WASF3: variants seen among roughly 807,000 people sequenced by gnomAD.
WASF3 encodes actin-binding protein WASF3.
WASF3 carries 11 observed loss-of-function variants against 46.6 expected under a neutral mutation model. That is an observed-to-expected ratio of 0.24 (90% CI 0.15 to 0.39). The LOEUF is 0.39. WASF3 is among the 10% of genes least tolerant of loss of function. WASF3 has a pLI of 1.00. For missense variants in WASF3, 576 were observed against 669.8 expected, an observed-to-expected ratio of 0.86 and a Z score of 1.55; for synonymous variants, 242 against 259.7, an observed-to-expected ratio of 0.93 and a Z score of 0.65.
intron 2 of WASF3, chr13:26,641,313 A>T (rs1881990653): frequency 1.3e-5 from 2 of 152,104 alleles, no homozygotes; most frequent in East Asian, 3.9e-4. Context: ...GTAGGGAGGG[A>T]GAAGGTTCTG....
chr13:26,624,697 A>C (rs1182316051), intron 2 of WASF3, among the ~76,000 whole-genome samples: 1 of 152,128 alleles, frequency 6.6e-6, no homozygotes, highest in African/African-American at 2.4e-5. Flanking sequence ...TTGCTGAAAT[A>C]CCCAAGGTAA....
chr13:26,674,810 A>G (rs1028428527), intron 6 of WASF3, among the ~76,000 whole-genome samples: 1 of 152,226 alleles, frequency 6.6e-6, no homozygotes, highest in Non-Finnish European at 1.5e-5. Context: ...TGAATTTTAA[A>G]TTTTGAAAGA....
chr13:26,668,588 G>C (rs1882839790), intron 5 of WASF3, among the ~76,000 whole-genome samples: 1 of 152,224 alleles, frequency 6.6e-6, no homozygotes, highest in African/African-American at 2.4e-5. Context: ...CCCATCTCAG[G>C]GAGTGCATAG....
chr13:26,545,706 A>T, the WASF3 span, among the ~76,000 whole-genome samples: 1 of 152,192 alleles, frequency 6.6e-6, no homozygotes, highest in African/African-American at 2.4e-5. Context: ...CCTGGGCTCA[A>T]GTATCCCCTT....
At chr13:26,564,304 G>T (rs186772814) in intron 1 of WASF3, among the ~76,000 whole-genome samples, 2 of 152,186 alleles carry the variant, frequency 1.3e-5, no homozygotes, top group Admixed American at 6.5e-5. Context: ...GCATATGTGT[G>T]TTCCAGCTTG....
chr13:26,607,707 C>T (rs1209132098), intron 1 of WASF3, among the ~76,000 whole-genome samples: 1 of 152,018 alleles, frequency 6.6e-6, no homozygotes, highest in African/African-American at 2.4e-5. Context: ...TCTCAGCTCA[C>T]TCACTGCAGT....
At chr13:26,636,590 G>C (rs1035750741) in intron 2 of WASF3, among the ~76,000 whole-genome samples, 2 of 152,220 alleles carry the variant, frequency 1.3e-5, no homozygotes, top group African/African-American at 4.8e-5. Flanking sequence ...CATCTTCTGC[G>C]TCGATCATGC....
upstream of WASF3, among the ~76,000 whole-genome samples, chr13:26,554,216 T>C (rs895404535): frequency 2.6e-5 from 4 of 151,478 alleles, no homozygotes; most frequent in Admixed American, 6.6e-5. Flanking sequence ...AGCCTCCAAC[T>C]CCTAGGCTGA....
intron 1 of WASF3, among the ~76,000 whole-genome samples, chr13:26,574,874 T>C (rs1167146327): frequency 6.6e-6 from 1 of 151,544 alleles, no homozygotes; most frequent in Non-Finnish European, 1.5e-5. Context: ...TCTCGCTGTG[T>C]CACCCAGGCT....
chr13:26,642,315 G>C lies in WASF3; in HGVS notation c.45G>C (p.Arg15=), dbSNP rs553738534. The stretch of plus-strand genomic sequence containing the variant: ...ACATTGAGCCCCGGCACTTGTGCCG[G>C]GGAGCTCTGCCTGAAGGGATTACCA... ...KRNIEPRHLC[R]GALPEGITSE... Residue 15 remains arginine, a synonymous_variant, in exon 3 of 10, where the codon CGG becomes CGC. Coordinates refer to ENST00000335327, the MANE Select transcript of WASF3 (RefSeq NM_006646.6). 7.5e-6 allele frequency: 12 copies of C among 1,607,358 alleles called. No homozygotes were observed. The highest frequency in any genetic ancestry group is 1.7e-5 in the Admixed American group (1 of 58,376).
At chr13:26,590,148 T>C (rs1249714738) in intron 1 of WASF3, among the ~76,000 whole-genome samples, 1 of 152,224 alleles carries the variant, frequency 6.6e-6, no homozygotes, top group Non-Finnish European at 1.5e-5. Flanking sequence ...ATGTTCTTGG[T>C]TTGAAGCCTG....
At chr13:26,617,838 C>T (rs1030257968) in intron 2 of WASF3, among the ~76,000 whole-genome samples, 2 of 152,042 alleles carry the variant, frequency 1.3e-5, no homozygotes, top group African/African-American at 4.8e-5. Flanking sequence ...GGGGCAGTCT[C>T]CCCCATGATG....
At chr13:26,632,597 C>T (rs1055728089) in intron 2 of WASF3, among the ~76,000 whole-genome samples, 1 of 152,204 alleles carries the variant, frequency 6.6e-6, no homozygotes, top group Non-Finnish European at 1.5e-5. Flanking sequence ...AGGATTTTCA[C>T]ATTGAAGTTC....
chr13:26,656,400 A>G (rs1882466340), intron 3 of WASF3, among the ~76,000 whole-genome samples: 1 of 152,226 alleles, frequency 6.6e-6, no homozygotes. Flanking sequence ...GAAACTCTCC[A>G]GAATTTAGAA....
intron 3 of WASF3, among the ~76,000 whole-genome samples, chr13:26,656,971 A>G (rs995172793): frequency 3.3e-5 from 5 of 152,230 alleles, no homozygotes; most frequent in African/African-American, 7.2e-5. Flanking sequence ...CCTTATGACT[A>G]TGACAACTGT....
At chr13:26,597,618 G>A (rs930102009) in intron 1 of WASF3, among the ~76,000 whole-genome samples, 1 of 152,022 alleles carries the variant, frequency 6.6e-6, no homozygotes, top group African/African-American at 2.4e-5. Context: ...CTATCCCTCT[G>A]CCTTCCCCCA....
rs752847206 is a variant in WASF3, at chr13:26,642,246, GT to G, written c.-10-11del. 1.3e-5 allele frequency: 20 copies of G among 1,517,996 alleles called. No homozygotes were observed. Among genetic ancestry groups the G allele is most frequent in the Non-Finnish European group, 1.6e-5 (18 of 1,136,546 alleles). 94.0% of individuals were successfully genotyped at this position (1,517,996 alleles called of 1,614,324 possible). A position where few individuals can be genotyped will look rare whatever the true frequency, so the allele number is the denominator to read the frequency against. ...GTGAATATGAGCTTATAAAGAATGT[GT>G]TTTCAATTTTCAGATTGTGAACCAT... On this transcript the variant is annotated splice_polypyrimidine_tract_variant and intron_variant, in intron 2 of 9. Coordinates refer to ENST00000335327, the MANE Select transcript of WASF3 (RefSeq NM_006646.6).
intron 1 of WASF3, among the ~76,000 whole-genome samples, chr13:26,587,575 A>G (rs1437816935): frequency 6.6e-6 from 1 of 152,196 alleles, no homozygotes; most frequent in Non-Finnish European, 1.5e-5. Context: ...GAAAGCTTAA[A>G]TTATTTGTGC....
upstream of WASF3, among the ~76,000 whole-genome samples, chr13:26,553,226 A>G (rs1158793548): frequency 6.6e-6 from 1 of 152,156 alleles, no homozygotes; most frequent in East Asian, 1.9e-4. Context: ...TCTCTTGACC[A>G]CAATACCTTG....
Sources: gnomAD v4.1 joint callset for allele counts (sites outside exome capture counted in the v4.1 genomes callset) on GRCh38, gnomAD v4.1.1 for gene constraint, MANE v1.5 for transcripts, NCBI Gene and HGNC (gene_info 2026-07-23, HGNC 2026-07-21) for gene names.